Variants in CASP4 observed in about 807,000 individuals in gnomAD.
The protein encoded by CASP4 is caspase 4, also known as caspase-4.
Under a neutral mutation model 41.3 loss-of-function variants are expected in CASP4, and 29 were observed. The observed-to-expected ratio is 0.70, with a 90% CI of 0.52 to 0.96. The LOEUF (loss-of-function observed/expected upper bound fraction) is 0.96, where lower values mean the gene tolerates loss of function less well. Among genes scored for constraint, CASP4 ranks in the 40% least tolerant of loss-of-function variants. CASP4 has a pLI of 0.00. For synonymous variants in CASP4, 185 were observed against 158.4 expected (o/e 1.17, Z -1.26); for missense variants, 447 against 460.6 (o/e 0.97, Z 0.27).
chr11:104,949,649 T>A lies in CASP4; in HGVS notation c.675A>T (p.Lys225Asn). 1 of 1,613,920 alleles carries A rather than the reference T, an allele frequency of 6.2e-7. No individual in the cohort carries two copies. The highest frequency in any genetic ancestry group is 8.5e-7 in the Non-Finnish European group (1 of 1,179,884). The stretch of plus-strand genomic sequence containing the variant: ...TGGTGTCATAAAGCAGCACATCTGG[T>A]TTTTTCTCATCATGCACAGTTCCGC... ...GICGTVHDEK[K>N]PDVLLYDTIF... is the part of the protein sequence containing the mutation. Residue 225 changes from lysine (K) to asparagine (N), a missense_variant, in exon 5 of 9, where the codon AAA becomes AAT. By Grantham distance (94) the Lys-to-Asn change is moderately conservative. Coordinates refer to ENST00000444739, the MANE Select transcript of CASP4 (RefSeq NM_001225.4).
chr11:104,947,571 C>T (rs1172819112), intron 6 of CASP4: 1 of 153,862 alleles, frequency 6.5e-6, no homozygotes, highest in East Asian at 1.9e-4. Flanking sequence ...AAGGAACTTC[C>T]CCATGTTCAC....
chr11:104,951,419 GA>G, intron 3 of CASP4: 2 of 252,832 alleles, frequency 7.9e-6, no homozygotes, highest in Non-Finnish European at 1.5e-5. Flanking sequence ...TGACTCCAGT[GA>G]AAAATGAATA....
intron 6 of CASP4, 23 bp downstream of exon 6, chr11:104,948,510 T>A: frequency 6.4e-7 from 1 of 1,564,172 alleles, no homozygotes; most frequent in Non-Finnish European, 8.7e-7. Context: ...ACAAATCCCT[T>A]ACTGCCACTG....
At chr11:104,954,709 G>T in intron 2 of CASP4, 38 bp downstream of exon 2, 1 of 1,595,834 alleles carries the variant, frequency 6.3e-7, no homozygotes, top group Non-Finnish European at 8.6e-7. Flanking sequence ...CAGATTTAGG[G>T]AAAATTGAGA....
At chr11:104,946,186 C>G (rs976940306) in intron 7 of CASP4, among the ~76,000 whole-genome samples, 2 of 152,106 alleles carry the variant, frequency 1.3e-5, no homozygotes, top group African/African-American at 2.4e-5. Flanking sequence ...GTGTATCTTT[C>G]TTTTCCCGCA....
chr11:104,959,783 A>G (rs752670582), intron 1 of CASP4, among the ~76,000 whole-genome samples: 4 of 152,132 alleles, frequency 2.6e-5, no homozygotes, highest in South Asian at 2.1e-4. Context: ...GGCCTTCTCT[A>G]TGTCTTATTT....
At chr11:104,960,231 A>G (rs1423307606) in intron 1 of CASP4, among the ~76,000 whole-genome samples, 2 of 152,122 alleles carry the variant, frequency 1.3e-5, no homozygotes, top group African/African-American at 4.8e-5. Context: ...TTCTCAGGGA[A>G]TCAAGTCTCT....
chr11:104,951,862 C>T (rs769178431), intron 3 of CASP4, 34 bp downstream of exon 3: 2 of 1,379,544 alleles, frequency 1.4e-6, no homozygotes, highest in African/African-American at 2.8e-5. Context: ...GATATCTCTT[C>T]TTTTTTTTCT....
In CASP4 at chr11:104,944,366, C is replaced by G. The variant is rs142241654; in HGVS notation, c.*5+382G>C. 1.8e-3 allele frequency: 198 copies of G among 107,456 alleles called. 1 individual carries two copies. Among genetic ancestry groups the G allele is most frequent in the South Asian group, 5.3e-3 (19 of 3,580 alleles). The allele number at this position is 107,456 out of a possible 1,614,324, so 6.7% of individuals were successfully genotyped here. On this transcript the variant is annotated intron_variant, in intron 8 of 8. Coordinates refer to ENST00000444739, the MANE Select transcript of CASP4 (RefSeq NM_001225.4). ...AGTGTCTCTCTCTCTCTCTCTCTCT[C>G]TCTGTGTGTGTGTGTGTGTGTGTGT...
Position 104,951,118 on chromosome 11 carries a change from A to C in CASP4, c.373-20T>G. 6.2e-7 allele frequency: 1 copy of C among 1,602,882 alleles called. No homozygotes were observed. The highest frequency in any genetic ancestry group is 8.5e-7 in the Non-Finnish European group (1 of 1,173,652). ...ATAGATCTGCAGGATATGGAGATGCAATAAATTTAATTTACTCAAGTCTCC... is the reference window on the plus strand; with the variant it reads ...ATAGATCTGCAGGATATGGAGATGCCATAAATTTAATTTACTCAAGTCTCC... On this transcript the variant is annotated intron_variant, in intron 3 of 8. Coordinates refer to ENST00000444739, the MANE Select transcript of CASP4 (RefSeq NM_001225.4).
At chr11:104,950,608 G>T (rs190624426) in intron 4 of CASP4, among the ~76,000 whole-genome samples, 1 of 152,080 alleles carries the variant, frequency 6.6e-6, no homozygotes, top group East Asian at 1.9e-4. Context: ...TAAGTATACT[G>T]CCATTTAACA....
chr11:104,944,002 AG>A (rs1442195528), intron 8 of CASP4: 1 of 152,230 alleles, frequency 6.6e-6, no homozygotes, highest in Admixed American at 6.5e-5. Flanking sequence ...CATTTAGTCC[AG>A]ACTCAATGTA....
At chr11:104,952,707 A>T (rs1032034181) in intron 2 of CASP4, among the ~76,000 whole-genome samples, 3 of 152,136 alleles carry the variant, frequency 2.0e-5, no homozygotes, top group African/African-American at 7.2e-5. Context: ...TAGCAACTTT[A>T]CTGTTAATTT....
At chr11:104,947,291 T>C (rs990543036) in intron 6 of CASP4, 99 bp from the exon 7 acceptor site, 1 of 667,528 alleles carries the variant, frequency 1.5e-6, no homozygotes, top group East Asian at 2.7e-5. Context: ...AAAGCATAGC[T>C]TGGGAATTAT....
Position 104,947,095 on chromosome 11 carries a change from T to G in CASP4, c.1023A>C (p.Glu341Asp), listed in dbSNP as rs139093446. 176 of 1,601,190 alleles carry G rather than the reference T, an allele frequency of 1.1e-4. 1 individual carries two copies. The African/African-American group carries it at 1.8e-3, about 17-fold the overall frequency. ...QKYSWCCHLE[E>D]VFRKVQQSFE... ...AAGAGACACTTACCTTCCGAAATACTTCCTCTAGGTGGCAGCACCAAGAAT... is the reference window on the plus strand; with the variant it reads ...AAGAGACACTTACCTTCCGAAATACGTCCTCTAGGTGGCAGCACCAAGAAT... Residue 341 changes from glutamate (E) to aspartate (D), a missense_variant, in exon 7 of 9, where the codon GAA becomes GAC. Coordinates refer to ENST00000444739, the MANE Select transcript of CASP4 (RefSeq NM_001225.4).
chr11:104,964,313 T>C (rs1860926305), intron 1 of CASP4, among the ~76,000 whole-genome samples: 1 of 152,230 alleles, frequency 6.6e-6, no homozygotes, highest in African/African-American at 2.4e-5. Context: ...GAAGAGCTGA[T>C]GTCTTAAATG....
chr11:104,953,746 G>C (rs1282758381), intron 2 of CASP4, among the ~76,000 whole-genome samples: 1 of 152,024 alleles, frequency 6.6e-6, no homozygotes, highest in African/African-American at 2.4e-5. Context: ...CAAGATTTCA[G>C]CTTAAATTCT....
intron 3 of CASP4, 123 bp downstream of exon 3, chr11:104,951,773 C>T: frequency 1.4e-6 from 1 of 709,966 alleles, no homozygotes; most frequent in Non-Finnish European, 2.6e-6. Flanking sequence ...TTAGTAAAAG[C>T]ATTATTGAAA....
chr11:104,967,855 G>A (rs915676376), intron 1 of CASP4, among the ~76,000 whole-genome samples: 19 of 152,310 alleles, frequency 1.2e-4, no homozygotes, highest in African/African-American at 4.6e-4. Context: ...AGCTGCCTAA[G>A]TAACTCTATC....
Sources: gnomAD v4.1 joint callset for allele counts (sites outside exome capture counted in the v4.1 genomes callset) on GRCh38, gnomAD v4.1.1 for gene constraint, MANE v1.5 for transcripts, NCBI Gene and HGNC (gene_info 2026-07-23, HGNC 2026-07-21) for gene names.